Variants in FOXO3 observed in about 807,000 individuals in gnomAD.
FOXO3 encodes forkhead box protein O3.
A neutral mutation model predicts 41.9 loss-of-function variants in FOXO3; 4 were observed. The observed-to-expected ratio is 0.10, with a 90% CI of 0.05 to 0.22. FOXO3 has a LOEUF of 0.22. FOXO3 is among the 10% of genes least tolerant of loss of function. FOXO3 has a pLI of 1.00. For missense variants in FOXO3, 534 were observed against 906.8 expected (o/e 0.59, Z 5.28); for synonymous variants, 318 against 389.3 (o/e 0.82, Z 2.16).
At chr6:108,569,388 A>G (rs1776028344) in intron 1 of FOXO3, among the ~76,000 whole-genome samples, 1 of 152,196 alleles carries the variant, frequency 6.6e-6, no homozygotes, top group Non-Finnish European at 1.5e-5. Flanking sequence ...GTCTCTCCTA[A>G]AGGAAAAAGA....
intron 1 of FOXO3, among the ~76,000 whole-genome samples, chr6:108,632,065 T>C (rs1777989654): frequency 6.6e-6 from 1 of 152,196 alleles, no homozygotes; most frequent in Non-Finnish European, 1.5e-5. Flanking sequence ...AGAGGCTTGA[T>C]TAAACTCAGG....
At chr6:108,658,960 C>T (rs1778767652) in intron 1 of FOXO3, among the ~76,000 whole-genome samples, 2 of 152,140 alleles carry the variant, frequency 1.3e-5, no homozygotes, top group Admixed American at 6.5e-5. Context: ...TCACAGCTCA[C>T]TGCAGCCTCA....
At chr6:108,637,109 GTT>G (rs1217939148) in intron 1 of FOXO3, among the ~76,000 whole-genome samples, 1 of 152,126 alleles carries the variant, frequency 6.6e-6, no homozygotes, top group Non-Finnish European at 1.5e-5. Context: ...CCTTAATGAG[GTT>G]TTCCGCAGCT....
At chr6:108,621,521 G>C (rs934113047) in intron 1 of FOXO3, among the ~76,000 whole-genome samples, 10 of 151,864 alleles carry the variant, frequency 6.6e-5, no homozygotes, top group African/African-American at 2.4e-4. Context: ...TTGTTGGGAT[G>C]AGTCTTTCAC....
At chr6:108,638,949 C>T (rs1003532746) in intron 1 of FOXO3, among the ~76,000 whole-genome samples, 8 of 152,142 alleles carry the variant, frequency 5.3e-5, no homozygotes, top group Non-Finnish European at 8.8e-5. Context: ...TAATGGTGTT[C>T]GGGGTGTCCT....
intron 2 of FOXO3, among the ~76,000 whole-genome samples, chr6:108,665,524 C>A (rs1369449827): frequency 1.3e-5 from 2 of 152,104 alleles, no homozygotes; most frequent in Non-Finnish European, 2.9e-5. Flanking sequence ...AAGAGCTAAA[C>A]CTTTAAAAAA....
At chr6:108,668,410 C>T (rs1047068680) in intron 2 of FOXO3, among the ~76,000 whole-genome samples, 12 of 152,110 alleles carry the variant, frequency 7.9e-5, no homozygotes, top group Admixed American at 1.3e-4. Flanking sequence ...ACTGTGTTCT[C>T]TCAGGTGTTC....
intron 1 of FOXO3, among the ~76,000 whole-genome samples, chr6:108,633,235 C>A (rs1484830746): frequency 6.6e-6 from 1 of 151,980 alleles, no homozygotes; most frequent in Non-Finnish European, 1.5e-5. Context: ...TAGAAGTAAA[C>A]AATGTGATCA....
In FOXO3 at chr6:108,566,052, A is replaced by C. The variant is rs1243096752; in HGVS notation, c.621+4223A>C. ...TTCCTTTGGCAATAGTGTCTTCGTC[A>C]GTGATTCTCAACTAATATACTTCCT... is the stretch of plus-strand genomic sequence containing the variant. On this transcript the variant is annotated intron_variant, in intron 1 of 2. Coordinates refer to ENST00000406360, the MANE Select transcript of FOXO3 (RefSeq NM_001455.4). Among the ~76,000 whole-genome samples, 12 of 152,266 alleles carry C rather than the reference A, an allele frequency of 7.9e-5. No individual in the cohort carries two copies. In the East Asian group the frequency reaches 2.3e-3, roughly 29 times the overall value.
intron 1 of FOXO3, among the ~76,000 whole-genome samples, chr6:108,593,712 C>CTTTTTTTTTTTTTTTTTT (rs34228633): frequency 1.6e-4 from 13 of 83,328 alleles, no homozygotes; most frequent in Non-Finnish European, 2.0e-4. Flanking sequence ...TTTTCTTCTT[C>CTTTTTTTTTTTTTTTTTT]TTTTTTTTTT....
At position 108,677,815 on chromosome 6, in the gene FOXO3, G is replaced by A. The variant is rs144147110; in HGVS notation, c.*35-2012G>A. 2.4e-3 allele frequency among the ~76,000 whole-genome samples: 361 copies of A among 152,078 alleles called. 2 individuals carry two copies. The highest frequency in any genetic ancestry group is 3.7e-3 in the Non-Finnish European group (254 of 68,006). On this transcript the variant is annotated intron_variant, in intron 2 of 2. Transcript: ENST00000406360. ...AATAGCACTGACTTTAGCAAGCTAC[G>A]GTCTTCACAGATGCTGAGATCTAGT...
In FOXO3 at chr6:108,588,501, A is replaced by G. The variant is rs543370639; in HGVS notation, c.621+26672A>G. Among the ~76,000 whole-genome samples the G allele has an allele frequency of 3.1e-4, 47 of 152,364 alleles. 1 individual carries two copies. Among genetic ancestry groups the G allele is most frequent in the Non-Finnish European group, 1.5e-4 (10 of 68,028 alleles). On this transcript the variant is annotated intron_variant, in intron 1 of 2. Coordinates refer to ENST00000406360, the MANE Select transcript of FOXO3 (RefSeq NM_001455.4). Reference sequence around the variant, plus strand: ...GTAGTTATAAAATTATAAAGAATGCATTTGTTATTTAAAGTGAGATATGCG... The same window carrying G: ...GTAGTTATAAAATTATAAAGAATGCGTTTGTTATTTAAAGTGAGATATGCG...
At chr6:108,560,855 G>A, upstream of FOXO3, 2 of 705,934 alleles carry the variant, frequency 2.8e-6, no homozygotes, top group Non-Finnish European at 3.9e-6. Flanking sequence ...GCGGGGGGAG[G>A]GGGCTGCCCC....
intron 1 of FOXO3, among the ~76,000 whole-genome samples, chr6:108,567,451 T>C (rs1775977177): frequency 6.6e-6 from 1 of 151,960 alleles, no homozygotes; most frequent in South Asian, 2.1e-4. Flanking sequence ...CTGGAGTGGA[T>C]GTGGAGCCTT....
At chr6:108,572,617 T>A (rs888949747) in intron 1 of FOXO3, among the ~76,000 whole-genome samples, 4 of 152,224 alleles carry the variant, frequency 2.6e-5, no homozygotes, top group African/African-American at 9.6e-5. Context: ...TTTATTCTCA[T>A]ATTTTAAAAT....
At chr6:108,595,175 C>T (rs919226310) in intron 1 of FOXO3, among the ~76,000 whole-genome samples, 5 of 152,124 alleles carry the variant, frequency 3.3e-5, no homozygotes, top group South Asian at 4.1e-4. Flanking sequence ...TACAGGTTGT[C>T]GAGGCCTAAA....
At chr6:108,605,231 GC>G (rs2128367596) in intron 1 of FOXO3, among the ~76,000 whole-genome samples, 1 of 152,052 alleles carries the variant, frequency 6.6e-6, no homozygotes. Flanking sequence ...CAGTTTTTCT[GC>G]CTCAGCCTCC....
chr6:108,618,674 G>A (rs1215891842), intron 1 of FOXO3, among the ~76,000 whole-genome samples: 1 of 152,236 alleles, frequency 6.6e-6, no homozygotes. Flanking sequence ...GTGGAAACAT[G>A]AACTATTGCT....
chr6:108,561,064 C>G lies in FOXO3; in HGVS notation c.-145C>G, dbSNP rs1042571692. 7.0e-7 allele frequency: 1 copy of G among 1,420,748 alleles called. No homozygotes were observed. Among genetic ancestry groups the G allele is most frequent in the East Asian group, 3.0e-5 (1 of 33,292 alleles). 88.0% of individuals were successfully genotyped at this position (1,420,748 alleles called of 1,614,324 possible). A position where few individuals can be genotyped will look rare whatever the true frequency, so the allele number is the denominator to read the frequency against. ...GCCCGGGATAACCAACTCTCCTTCT[C>G]TCTTCTTTGGTGCTTCCCCAGGCGG... On this transcript the variant is annotated 5_prime_UTR_variant, in exon 1 of 3. Transcript: ENST00000406360.
Sources: allele counts gnomAD v4.1 joint callset (sites outside exome capture counted in the v4.1 genomes callset), GRCh38; gene constraint gnomAD v4.1.1; transcripts MANE v1.5; gene names NCBI Gene and HGNC (gene_info 2026-07-23, HGNC 2026-07-21).